The following PAX1 variants were observed in gnomAD, a reference collection of about 807,000 sequenced individuals.
The protein encoded by PAX1 is paired box protein Pax-1.
Under a neutral mutation model 35.6 loss-of-function variants are expected in PAX1, and 18 were observed. That is an observed-to-expected ratio of 0.50 (90% CI 0.35 to 0.75). PAX1 has a LOEUF of 0.75. Ranked by LOEUF, PAX1 falls within the 30% of genes least tolerant of loss-of-function variation. PAX1 has a pLI of 0.01. For synonymous variants in PAX1, 397 were observed against 305.2 expected (o/e 1.30, Z -3.14); for missense variants, 760 against 661.5 (o/e 1.15, Z -1.63).
In PAX1 at chr20:21,718,321, T is replaced by C. The variant is rs918686691; in HGVS notation, c.*3759T>C. 6.6e-6 allele frequency: 1 copy of C among 152,176 alleles called. No homozygotes were observed. The highest frequency in any genetic ancestry group is 1.5e-5 in the Non-Finnish European group (1 of 68,044). 9.4% of individuals were successfully genotyped at this position (152,176 alleles called of 1,614,324 possible). ...CCTTCTTGAATATGCCCCGAGTTGT[T>C]CTACAGATCACTGAAGGGCATTTGA... is the stretch of plus-strand genomic sequence containing the variant. On this transcript the variant is annotated 3_prime_UTR_variant, in exon 5 of 5. Coordinates refer to ENST00000613128, the MANE Select transcript of PAX1 (RefSeq NM_001257096.2).
intron 4 of PAX1, among the ~76,000 whole-genome samples, chr20:21,713,376 T>TGTGTGTG (rs1985256925): frequency 9.6e-6 from 1 of 103,800 alleles, no homozygotes; most frequent in African/African-American, 8.8e-5. Flanking sequence ...GTGTTTTCTT[T>TGTGTGTG]TTTTTTTGTG....
rs190315412 is a variant in PAX1, at chr20:21,712,199, C to T, written c.1283-2272C>T. ...AGTGAAACTTAATCAAATGTCAAAT[C>T]GAAAATTTAGCATTTAATTAGATAT... On this transcript the variant is annotated intron_variant, in intron 4 of 4. Coordinates refer to ENST00000613128, the MANE Select transcript of PAX1 (RefSeq NM_001257096.2). Among the ~76,000 whole-genome samples the T allele has an allele frequency of 3.3e-5, 5 of 152,162 alleles. No homozygotes were observed. The East Asian group carries it at 7.7e-4, about 23-fold the overall frequency.
Position 21,709,291 on chromosome 20 carries a change from G to A in PAX1, c.1129G>A (p.Gly377Ser), listed in dbSNP as rs143731938. ...ACAYPASNQHGVYSAPGGGYL... is the reference protein window; with the variant it reads ...ACAYPASNQHSVYSAPGGGYL... ...CGCCTACCCGGCCTCCAACCAGCACGGCGTGTACAGCGCCCCGGGCGGCGG... is the reference window on the plus strand; with the variant it reads ...CGCCTACCCGGCCTCCAACCAGCACAGCGTGTACAGCGCCCCGGGCGGCGG... Residue 377 changes from glycine to serine, a missense_variant, in exon 4 of 5, where the codon GGC becomes AGC. By Grantham distance (56) the Gly-to-Ser change is moderately conservative. Coordinates refer to ENST00000613128, the MANE Select transcript of PAX1 (RefSeq NM_001257096.2). 68 of 1,604,260 alleles carry A rather than the reference G, an allele frequency of 4.2e-5. No homozygotes were observed. Among genetic ancestry groups the A allele is most frequent in the Non-Finnish European group, 5.3e-5 (62 of 1,179,456 alleles).
chr20:21,708,455 G>A, intron 2 of PAX1, 103 bp from the exon 3 acceptor site: 2 of 1,361,098 alleles, frequency 1.5e-6, no homozygotes, highest in Non-Finnish European at 2.1e-6. Flanking sequence ...CAAATTTTGT[G>A]GGACCCCTGG....
chr20:21,708,762 G>A (rs2122138300), intron 3 of PAX1, 62 bp downstream of exon 3: 1 of 1,560,982 alleles, frequency 6.4e-7, no homozygotes, highest in East Asian at 2.2e-5. Context: ...TGGGCAAGTG[G>A]GGAAAAAGAG....
At chr20:21,709,468 G>T in intron 4 of PAX1, 24 bp downstream of exon 4, 1 of 1,486,596 alleles carries the variant, frequency 6.7e-7, no homozygotes. Context: ...GGAGTGGGGC[G>T]GGTGGATGCT....
rs1248777584 is a variant in PAX1, at chr20:21,706,799, C to T, written c.648C>T (p.Ser216=). ...CDKYNVPSVS[S]ISRILRNKIG... ...AGTACAATGTGCCTTCGGTGAGCTCCATCAGCCGCATCCTGCGCAACAAGA... is the reference window on the plus strand; with the variant it reads ...AGTACAATGTGCCTTCGGTGAGCTCTATCAGCCGCATCCTGCGCAACAAGA... Residue 216 remains serine (S), a synonymous_variant, in exon 2 of 5, where the codon TCC becomes TCT. Transcript: ENST00000613128. This position sits in a 1 kb window ranked among gnomAD's most constrained non-coding sequence, Gnocchi z 5.3. 1 of 1,613,554 alleles carries T rather than the reference C, an allele frequency of 6.2e-7. No homozygotes were observed. Among genetic ancestry groups the T allele is most frequent in the South Asian group, 1.1e-5 (1 of 91,090 alleles).
chr20:21,714,941 A>G lies in PAX1; in HGVS notation c.*379A>G, dbSNP rs1220799836. On this transcript the variant is annotated 3_prime_UTR_variant, in exon 5 of 5. Transcript: ENST00000613128. The stretch of plus-strand genomic sequence containing the variant: ...TTTCCTTCCCCCCTCTTTCTTTCTC[A>G]CTCTCCCTCCCTTCCCTTTCTCTTT... 1.4e-6 allele frequency: 1 copy of G among 716,708 alleles called. No individual in the cohort carries two copies. Among genetic ancestry groups the G allele is most frequent in the Non-Finnish European group, 2.4e-6 (1 of 423,582 alleles). 44.4% of individuals were successfully genotyped at this position (716,708 alleles called of 1,614,324 possible).
Position 21,714,711 on chromosome 20 carries a change from GCCA to G in PAX1, c.*150_*152del. The G allele has an allele frequency of 6.2e-7, 1 of 1,605,932 alleles. No individual in the cohort carries two copies. The highest frequency in any genetic ancestry group is 8.5e-7 in the Non-Finnish European group (1 of 1,179,742). On this transcript the variant is annotated 3_prime_UTR_variant, in exon 5 of 5. Transcript: ENST00000613128. ...TGCCGGCCCGCGGGGTGCACGCCCA[GCCA>G]GCCCCCAGGCCCAGCCCTGCCTCTG...
Position 21,717,322 on chromosome 20 carries a change from A to G in PAX1, c.*2760A>G, listed in dbSNP as rs1032393213. 5.3e-5 allele frequency: 8 copies of G among 152,224 alleles called. No homozygotes were observed. The highest frequency in any genetic ancestry group is 1.0e-4 in the Non-Finnish European group (7 of 68,114). The allele number at this position is 152,224 out of a possible 1,614,324, so 9.4% of individuals were successfully genotyped here. On this transcript the variant is annotated 3_prime_UTR_variant, in exon 5 of 5. Transcript: ENST00000613128. ...TGAACTTGGCTTAAATCTCTGCTCC[A>G]CTGTATGTGTCAGGGGACTGGGACC...
rs558767449 is a variant in PAX1 at position 21,706,068 on chromosome 20, C to A, written c.286+70C>A. 2.4e-6 allele frequency: 3 copies of A among 1,269,192 alleles called. No homozygotes were observed. The highest frequency in any genetic ancestry group is 3.2e-6 in the Non-Finnish European group (3 of 936,376). 78.6% of individuals were successfully genotyped at this position (1,269,192 alleles called of 1,614,324 possible). On this transcript the variant is annotated intron_variant, in intron 1 of 4. Coordinates refer to ENST00000613128, the MANE Select transcript of PAX1 (RefSeq NM_001257096.2). The surrounding 1 kb of genome is among the most constrained non-coding windows in gnomAD (Gnocchi z 5.3). ...GGGTCGGGTCCGCCTGCCTCCCTTC[C>A]CTCTCGTCCGCTTTCCCTGGGCGAC...
rs556820690 is a variant in PAX1 at position 21,712,522 on chromosome 20, C to G, written c.1283-1949C>G. 2.0e-5 allele frequency among the ~76,000 whole-genome samples: 3 copies of G among 152,296 alleles called. No homozygotes were observed. In the South Asian group the frequency reaches 6.2e-4, roughly 32 times the overall value. ...TGACAGACACCACCAGATGCTCCCT[C>G]AAGACAGCTGGTATTTACAGGATGT... On this transcript the variant is annotated intron_variant, in intron 4 of 4. Coordinates refer to ENST00000613128, the MANE Select transcript of PAX1 (RefSeq NM_001257096.2).
chr20:21,709,411 G>A lies in PAX1; in HGVS notation c.1249G>A (p.Ala417Thr). 1 of 1,543,506 alleles carries A rather than the reference G, an allele frequency of 6.5e-7. No individual in the cohort carries two copies. ...AGCTGTGCATGGCGGGGAACTCGCGGCAGCAATGACCTTCAAGCATCCCAG... is the reference window on the plus strand; with the variant it reads ...AGCTGTGCATGGCGGGGAACTCGCGACAGCAATGACCTTCAAGCATCCCAG... ...GVAVHGGELA[A>T]AMTFKHPSRE... Residue 417 changes from alanine (A) to threonine (T), a missense_variant, in exon 4 of 5, where the codon GCA (alanine) becomes ACA (threonine). Ala to Thr is a moderately conservative substitution (Grantham distance 58). Around this residue, in one of 3 missense-constraint regions of PAX1, gnomAD observed 490 missense variants for 428.4 expected, o/e 1.14. Coordinates refer to ENST00000613128, the MANE Select transcript of PAX1 (RefSeq NM_001257096.2).
Position 21,718,003 on chromosome 20 carries a change from G to C in PAX1, c.*3441G>C, listed in dbSNP as rs943838009. On this transcript the variant is annotated 3_prime_UTR_variant, in exon 5 of 5. Coordinates refer to ENST00000613128, the MANE Select transcript of PAX1 (RefSeq NM_001257096.2). Reference sequence around the variant, plus strand: ...AGTTGTGCTGTGCACACACAGACATGAGCTGAAGATCTGCTCTTTGCGTAC... The same window carrying C: ...AGTTGTGCTGTGCACACACAGACATCAGCTGAAGATCTGCTCTTTGCGTAC... 6.6e-6 allele frequency: 1 copy of C among 152,202 alleles called. No individual in the cohort carries two copies. Among genetic ancestry groups the C allele is most frequent in the Admixed American group, 6.5e-5 (1 of 15,280 alleles). 9.4% of individuals were successfully genotyped at this position (152,202 alleles called of 1,614,324 possible). A position where few individuals can be genotyped will look rare whatever the true frequency, so the allele number is the denominator to read the frequency against.
Position 21,716,462 on chromosome 20 carries a change from T to G in PAX1, c.*1900T>G, listed in dbSNP as rs1985374725. The G allele has an allele frequency of 6.6e-6, 1 of 152,012 alleles. No individual in the cohort carries two copies. The highest frequency in any genetic ancestry group is 2.4e-5 in the African/African-American group (1 of 41,398). 9.4% of individuals were successfully genotyped at this position (152,012 alleles called of 1,614,324 possible). On this transcript the variant is annotated 3_prime_UTR_variant, in exon 5 of 5. Coordinates refer to ENST00000613128, the MANE Select transcript of PAX1 (RefSeq NM_001257096.2). ...TATCAATTATAAAAAAGTACTTACT[T>G]TTTTCCTAGAGAGACTCTTCTTCTC... is the stretch of plus-strand genomic sequence containing the variant.
intron 4 of PAX1, among the ~76,000 whole-genome samples, chr20:21,713,541 C>T (rs192856044): frequency 6.8e-4 from 103 of 152,104 alleles, no homozygotes; most frequent in Middle Eastern, 6.8e-3. Context: ...GCTCCAAGCT[C>T]CCCCTTTAAA....
Position 21,709,395 on chromosome 20 carries a change from T to C in PAX1, c.1233T>C (p.His411=). Residue 411 remains histidine, a synonymous_variant, in exon 4 of 5, where the codon CAT becomes CAC. Transcript: ENST00000613128. ...CCCCCGGGGCCGGCGTAGCTGTGCA[T>C]GGCGGGGAACTCGCGGCAGCAATGA... is the stretch of plus-strand genomic sequence containing the variant. ...LAPPGAGVAV[H]GGELAAAMTF... is the part of the protein sequence containing the mutation. The C allele has an allele frequency of 1.3e-6, 2 of 1,553,382 alleles. No individual in the cohort carries two copies. Among genetic ancestry groups the C allele is most frequent in the Non-Finnish European group, 1.7e-6 (2 of 1,153,758 alleles).
rs1985369104 is a variant in PAX1, at chr20:21,716,269, T to C, written c.*1707T>C. 6.6e-6 allele frequency: 1 copy of C among 152,002 alleles called. No individual in the cohort carries two copies. Among genetic ancestry groups the C allele is most frequent in the South Asian group, 2.1e-4 (1 of 4,828 alleles). The allele number at this position is 152,002 out of a possible 1,614,324, so 9.4% of individuals were successfully genotyped here. On this transcript the variant is annotated 3_prime_UTR_variant, in exon 5 of 5. Transcript: ENST00000613128. The stretch of plus-strand genomic sequence containing the variant: ...ACAAAGGGGCTTCCGGCTAATTGTT[T>C]TTTTTTCCTGCCTCTGTTTGACCTT...
At chr20:21,709,508 G>A (rs1600327243) in intron 4 of PAX1, 64 bp downstream of exon 4, 4 of 1,277,890 alleles carry the variant, frequency 3.1e-6, no homozygotes, top group Non-Finnish European at 4.2e-6. Flanking sequence ...CTGGGGAGCG[G>A]GTGTGAGCCT....
Sources: gnomAD v4.1 joint callset for allele counts (sites outside exome capture counted in the v4.1 genomes callset) on GRCh38, gnomAD v4.1.1 for gene constraint, gnomAD v4.1.1 regional missense constraint, Gnocchi (gnomAD v3.1) non-coding constraint, MANE v1.5 for transcripts, NCBI Gene and HGNC (gene_info 2026-07-23, HGNC 2026-07-21) for gene names.